CCDC85C: variants seen among roughly 807,000 people sequenced by gnomAD.
CCDC85C encodes coiled-coil domain-containing protein 85C.
In CCDC85C, 18 loss-of-function variants were observed where a neutral mutation model predicts 38.3. That is an observed-to-expected ratio of 0.47 (90% CI 0.33 to 0.70). The LOEUF (loss-of-function observed/expected upper bound fraction) is 0.70, where lower values mean the gene tolerates loss of function less well. Ranked by LOEUF, CCDC85C falls within the 30% of genes least tolerant of loss-of-function variation. The pLI is 0.03. For missense variants in CCDC85C, 566 were observed against 621.2 expected (o/e 0.91, Z 0.94); for synonymous variants, 264 against 293.8 (o/e 0.90, Z 1.04).
At chr14:99,591,798 G>A (rs950248387) in intron 1 of CCDC85C, among the ~76,000 whole-genome samples, 2 of 146,824 alleles carry the variant, frequency 1.4e-5, no homozygotes, top group African/African-American at 5.1e-5. Flanking sequence ...GCAGTGGCAT[G>A]ACCTCCGCTC....
At chr14:99,590,436 G>A (rs963527126) in intron 1 of CCDC85C, among the ~76,000 whole-genome samples, 6 of 152,216 alleles carry the variant, frequency 3.9e-5, no homozygotes. Flanking sequence ...AGGAGCGGCA[G>A]GAGAAGACTG....
rs1406161282 is a variant in CCDC85C, at chr14:99,525,183, G to C, written c.868-2943C>G. Among the ~76,000 whole-genome samples, 6 of 152,316 alleles carry C rather than the reference G, an allele frequency of 3.9e-5. No individual in the cohort carries two copies. In the East Asian group the frequency reaches 9.6e-4, roughly 24 times the overall value. The stretch of plus-strand genomic sequence containing the variant: ...TATCCAGGGCCTTCACTGCAACACT[G>C]CCCAACTCAGGGCCCAGCGAGGACT... On this transcript the variant is annotated intron_variant, in intron 2 of 5. Coordinates refer to ENST00000380243, the MANE Select transcript of CCDC85C (RefSeq NM_001144995.2).
Position 99,603,963 on chromosome 14 carries a change from G to A in CCDC85C, c.-4C>T. On this transcript the variant is annotated 5_prime_UTR_variant, in exon 1 of 6. Transcript: ENST00000380243. This position sits in a 1 kb window ranked among gnomAD's most constrained non-coding sequence, Gnocchi z 7.5. Reference sequence around the variant, plus strand: ...CCGTCGCCGCGGGCTTAGCCATGGCGGGGCCGTCACCGCGGCATCGCCCTC... The same window carrying A: ...CCGTCGCCGCGGGCTTAGCCATGGCAGGGCCGTCACCGCGGCATCGCCCTC... 2.2e-6 allele frequency: 3 copies of A among 1,334,326 alleles called. No homozygotes were observed. The highest frequency in any genetic ancestry group is 2.8e-4 in the Middle Eastern group (1 of 3,594). The allele number at this position is 1,334,326 out of a possible 1,614,324, so 82.7% of individuals were successfully genotyped here.
chr14:99,591,263 G>C (rs576405010), intron 1 of CCDC85C, among the ~76,000 whole-genome samples: 1 of 152,228 alleles, frequency 6.6e-6, no homozygotes, highest in Non-Finnish European at 1.5e-5. Flanking sequence ...GGGTTCTGCC[G>C]GGGAGACCCC....
intron 1 of CCDC85C, among the ~76,000 whole-genome samples, chr14:99,540,185 T>C (rs1425262982): frequency 2.6e-5 from 4 of 151,932 alleles, no homozygotes; most frequent in African/African-American, 9.7e-5. Context: ...TCTTGCACCT[T>C]CACATTACAT....
At chr14:99,552,573 C>T (rs560864350) in intron 1 of CCDC85C, among the ~76,000 whole-genome samples, 33 of 152,220 alleles carry the variant, frequency 2.2e-4, no homozygotes, top group Non-Finnish European at 4.6e-4. Flanking sequence ...CTGAAAGCCC[C>T]CTTCTGGAGA....
intron 2 of CCDC85C, among the ~76,000 whole-genome samples, chr14:99,524,881 C>T (rs1321545339): frequency 6.6e-6 from 1 of 152,188 alleles, no homozygotes; most frequent in Non-Finnish European, 1.5e-5. Flanking sequence ...CAGTCTTCCT[C>T]GGGTGGCTCC....
rs151003965 is a variant in CCDC85C, at chr14:99,583,991, G to C, written c.793+19176C>G. ...GGCTTTGCTAATGTGCTCCTTATGT[G>C]AGATGTCACCATTGGGGGAAGCTGG... is the stretch of plus-strand genomic sequence containing the variant. On this transcript the variant is annotated intron_variant, in intron 1 of 5. Coordinates refer to ENST00000380243, the MANE Select transcript of CCDC85C (RefSeq NM_001144995.2). 8.8e-4 allele frequency among the ~76,000 whole-genome samples: 134 copies of C among 152,190 alleles called. 1 individual carries two copies. The East Asian group carries it at 0.024, about 27-fold the overall frequency.
chr14:99,542,928 G>A (rs749987157), intron 1 of CCDC85C, among the ~76,000 whole-genome samples: 3 of 152,174 alleles, frequency 2.0e-5, no homozygotes, highest in Admixed American at 1.3e-4. Flanking sequence ...GCCTGGGGAC[G>A]GCCCCATCTT....
intron 1 of CCDC85C, among the ~76,000 whole-genome samples, chr14:99,567,931 A>G (rs1255517895): frequency 1.3e-5 from 2 of 152,214 alleles, no homozygotes; most frequent in Non-Finnish European, 2.9e-5. Context: ...CAGCCAAACA[A>G]AGATGCCAGC....
Position 99,536,503 on chromosome 14 carries a change from C to A in CCDC85C, c.794-415G>T, listed in dbSNP as rs190391181. ...GGAGCTCTCACAAACACAGCCAGGG[C>A]ACAGCCCACCCCAGGGTCGGGGTCC... is the stretch of plus-strand genomic sequence containing the variant. On this transcript the variant is annotated intron_variant, in intron 1 of 5. Transcript: ENST00000380243. 8.5e-5 allele frequency among the ~76,000 whole-genome samples: 13 copies of A among 152,302 alleles called. No homozygotes were observed. The East Asian group carries it at 2.3e-3, about 27-fold the overall frequency.
At position 99,514,492 on chromosome 14, in the gene CCDC85C, G is replaced by A. The variant is rs1423635628; in HGVS notation, c.*754C>T. The A allele has an allele frequency of 6.6e-6, 1 of 152,292 alleles. No homozygotes were observed. The highest frequency in any genetic ancestry group is 1.5e-5 in the Non-Finnish European group (1 of 68,156). 9.4% of individuals were successfully genotyped at this position (152,292 alleles called of 1,614,324 possible). ...GCCTGTCATGTAAACCACGAAAAGG[G>A]ACGTGCCTCAGGCATGGGGCAGGAG... is the stretch of plus-strand genomic sequence containing the variant. On this transcript the variant is annotated 3_prime_UTR_variant, in exon 6 of 6. Coordinates refer to ENST00000380243, the MANE Select transcript of CCDC85C (RefSeq NM_001144995.2).
chr14:99,596,654 G>A (rs1041157975), intron 1 of CCDC85C, among the ~76,000 whole-genome samples: 2 of 152,192 alleles, frequency 1.3e-5, no homozygotes, highest in African/African-American at 4.8e-5. Context: ...CTAGGGGAGG[G>A]GGACCATTTC....
chr14:99,540,859 G>A (rs1404244587), intron 1 of CCDC85C, among the ~76,000 whole-genome samples: 3 of 152,194 alleles, frequency 2.0e-5, no homozygotes, highest in Non-Finnish European at 4.4e-5. Context: ...AGAGCCTGCA[G>A]GTCTGCCAAG....
chr14:99,586,439 G>A (rs983509624), intron 1 of CCDC85C, among the ~76,000 whole-genome samples: 2 of 152,230 alleles, frequency 1.3e-5, no homozygotes, highest in African/African-American at 4.8e-5. Flanking sequence ...CTCCCCAGGC[G>A]GGAAACGGAG....
At chr14:99,526,741 G>A (rs111947690) in intron 2 of CCDC85C, among the ~76,000 whole-genome samples, 3 of 152,180 alleles carry the variant, frequency 2.0e-5, no homozygotes, top group Non-Finnish European at 4.4e-5. Flanking sequence ...AGTAATAAAC[G>A]CAGGGCCTCA....
rs186817536 is a variant in CCDC85C, at chr14:99,509,585, G to C, written c.*5661C>G. ...CACATGCACACACTCCTCTCAAGGA[G>C]GCTGCTATCTGAGAGCACACAGTGG... On this transcript the variant is annotated 3_prime_UTR_variant, in exon 6 of 6. Transcript: ENST00000380243. 13 of 155,238 alleles carry C rather than the reference G, an allele frequency of 8.4e-5. No homozygotes were observed. The highest frequency in any genetic ancestry group is 1.7e-4 in the Non-Finnish European group (12 of 72,602). 9.6% of individuals were successfully genotyped at this position (155,238 alleles called of 1,614,324 possible).
intron 1 of CCDC85C, among the ~76,000 whole-genome samples, chr14:99,594,730 G>T (rs2055124794): frequency 6.6e-6 from 1 of 151,936 alleles, no homozygotes; most frequent in Admixed American, 6.5e-5. Context: ...CTATTTTACA[G>T]ATGGGAAAAT....
rs1302090942 is a variant in CCDC85C, at chr14:99,503,580, G to A, written c.*11666C>T. 6.5e-6 allele frequency: 10 copies of A among 1,545,410 alleles called. No individual in the cohort carries two copies. The highest frequency in any genetic ancestry group is 8.8e-6 in the Non-Finnish European group (10 of 1,141,462). On this transcript the variant is annotated 3_prime_UTR_variant, in exon 6 of 6. Coordinates refer to ENST00000380243, the MANE Select transcript of CCDC85C (RefSeq NM_001144995.2). Reference sequence around the variant, plus strand: ...TTTTCTCATCATACTCAGGATCCCAGTTAACAATTGTGTATTTTCTTTTGT... The same window carrying A: ...TTTTCTCATCATACTCAGGATCCCAATTAACAATTGTGTATTTTCTTTTGT...
Sources: gnomAD v4.1 joint callset for allele counts (sites outside exome capture counted in the v4.1 genomes callset) on GRCh38, gnomAD v4.1.1 for gene constraint, Gnocchi (gnomAD v3.1) non-coding constraint, MANE v1.5 for transcripts, NCBI Gene and HGNC (gene_info 2026-07-23, HGNC 2026-07-21) for gene names.